The following LTA4H variants were observed in gnomAD, a reference collection of about 807,000 sequenced individuals.
LTA4H encodes the protein leukotriene A4 hydrolase.
In LTA4H, 59 loss-of-function variants were observed where a neutral mutation model predicts 89.8. The observed-to-expected ratio is 0.66, with a 90% CI of 0.53 to 0.82. The LOEUF (loss-of-function observed/expected upper bound fraction) is 0.82, where lower values mean the gene tolerates loss of function less well. LTA4H is among the 40% of genes least tolerant of loss of function. LTA4H has a pLI of 0.00. For synonymous variants in LTA4H, 227 were observed against 253.1 expected (o/e 0.90, Z 0.98); for missense variants, 617 against 727.0 (o/e 0.85, Z 1.74).
At chr12:96,025,817 A>G (rs1950507365) in intron 3 of LTA4H, among the ~76,000 whole-genome samples, 1 of 140,852 alleles carries the variant, frequency 7.1e-6, no homozygotes, top group East Asian at 2.0e-4. Flanking sequence ...ACACAGCAAG[A>G]CCCTGTCTCC....
chr12:96,026,989 A>G (rs554992968), intron 3 of LTA4H, among the ~76,000 whole-genome samples: 116 of 151,136 alleles, frequency 7.7e-4, no homozygotes, highest in African/African-American at 2.7e-3. Context: ...GTGTAAGAAA[A>G]ATATGGAAAA....
chr12:96,038,737 T>A (rs1049570424), upstream of LTA4H, among the ~76,000 whole-genome samples: 1 of 149,492 alleles, frequency 6.7e-6, no homozygotes, highest in Admixed American at 6.7e-5. Flanking sequence ...TAACATAGAA[T>A]TCATTTAGTC....
chr12:96,027,679 T>C, intron 2 of LTA4H, 115 bp from the exon 3 acceptor site: 1 of 559,684 alleles, frequency 1.8e-6, no homozygotes, highest in Non-Finnish European at 2.9e-6. Flanking sequence ...TCATCACTGA[T>C]TGGCAGTAAG....
chr12:96,028,847 T>A (rs903247137), intron 2 of LTA4H, among the ~76,000 whole-genome samples: 2 of 152,240 alleles, frequency 1.3e-5, no homozygotes, highest in Non-Finnish European at 2.9e-5. Flanking sequence ...CCTTGTTGTA[T>A]TATATACAAA....
At chr12:96,032,931 C>T (rs1950591396) in intron 1 of LTA4H, among the ~76,000 whole-genome samples, 1 of 152,032 alleles carries the variant, frequency 6.6e-6, no homozygotes, top group African/African-American at 2.4e-5. Flanking sequence ...CAGTGGGGAA[C>T]ACACACTGGG....
intron 15 of LTA4H, among the ~76,000 whole-genome samples, chr12:96,008,875 C>A (rs998001122): frequency 6.6e-6 from 1 of 151,784 alleles, no homozygotes; most frequent in Non-Finnish European, 1.5e-5. Flanking sequence ...GCCATGATCA[C>A]GCCACTGTAG....
chr12:96,009,151 G>A lies in LTA4H; in HGVS notation c.1380-3C>T. On this transcript the variant is annotated splice_region_variant and splice_polypyrimidine_tract_variant and intron_variant, in intron 14 of 18. Coordinates refer to ENST00000228740, the MANE Select transcript of LTA4H (RefSeq NM_000895.3). Reference sequence around the variant, plus strand: ...CATTTGTCAGAGTCATATCATAACTGCAAAGATAAAGATTACATTGTTTAA... The same window carrying A: ...CATTTGTCAGAGTCATATCATAACTACAAAGATAAAGATTACATTGTTTAA... The A allele has an allele frequency of 1.3e-6, 2 of 1,595,364 alleles. No homozygotes were observed. Among genetic ancestry groups the A allele is most frequent in the Non-Finnish European group, 1.7e-6 (2 of 1,164,628 alleles).
rs759516668 is a variant in LTA4H at position 96,017,584 on chromosome 12, CAA to C, written c.853-6_853-5del. On this transcript the variant is annotated splice_region_variant and splice_polypyrimidine_tract_variant and intron_variant, in intron 8 of 18. Transcript: ENST00000228740. ...TGGAGAGTGACTTGTCGCCTGCCTACAAAAAAAGAAAATTACCTTAGTATTTT... is the reference window on the plus strand; with the variant it reads ...TGGAGAGTGACTTGTCGCCTGCCTACAAAAAGAAAATTACCTTAGTATTTT... 6.2e-7 allele frequency: 1 copy of C among 1,607,066 alleles called. No homozygotes were observed. The highest frequency in any genetic ancestry group is 8.5e-7 in the Non-Finnish European group (1 of 1,175,202).
chr12:96,035,362 A>T lies in LTA4H; in HGVS notation c.158T>A (p.Leu53Gln). The T allele has an allele frequency of 6.2e-7, 1 of 1,606,264 alleles. No homozygotes were observed. The highest frequency in any genetic ancestry group is 8.5e-7 in the Non-Finnish European group (1 of 1,176,218). ...CACTGGGCAGGCGCCCCACTGTACC[A>T]GGCTGCGCAGATTGTCCTCCTGAGA... Reference protein sequence around the residue: ...VQSQEDNLRSLVLDTKDLTIE... With the variant: ...VQSQEDNLRSQVLDTKDLTIE... Residue 53 changes from leucine to glutamine, a missense_variant and splice_region_variant, in exon 1 of 19, where the codon CTG (leucine) becomes CAG (glutamine). This residue lies in a region of LTA4H where 155 missense variants were observed against 143.3 expected (regional missense o/e 1.08). Transcript: ENST00000228740.
At chr12:96,004,987 C>T (rs570414819) in intron 16 of LTA4H, among the ~76,000 whole-genome samples, 57 of 152,102 alleles carry the variant, frequency 3.7e-4, no homozygotes, top group Non-Finnish European at 7.6e-4. Context: ...TCCTTTGTTG[C>T]GTCAAAATCC....
intron 6 of LTA4H, 142 bp from the exon 7 acceptor site, chr12:96,019,382 A>C: frequency 1.5e-6 from 1 of 663,428 alleles, no homozygotes; most frequent in East Asian, 2.7e-5. Context: ...ATGAGGTTAC[A>C]TGGCGTGAGC....
chr12:96,018,240 G>A (rs925556249), intron 8 of LTA4H, among the ~76,000 whole-genome samples: 2 of 152,106 alleles, frequency 1.3e-5, no homozygotes, highest in African/African-American at 4.8e-5. Flanking sequence ...CAAATGGCCT[G>A]ATTATTTTCC....
chr12:96,018,874 ATCT>A lies in LTA4H; in HGVS notation c.738_740del (p.Glu246del), dbSNP rs1174766090. 6.3e-7 allele frequency: 1 copy of A among 1,595,510 alleles called. No individual in the cohort carries two copies. The highest frequency in any genetic ancestry group is 1.4e-5 in the African/African-American group (1 of 74,044). On this transcript the variant is annotated inframe_deletion, in exon 8 of 19. Coordinates refer to ENST00000228740, the MANE Select transcript of LTA4H (RefSeq NM_000895.3). Reference sequence around the variant, plus strand: ...GTCCCCATACATACGGTCCTCCCAGATCTTCTGCTATTTTAAGCATAGATTCAG... The same window carrying A: ...GTCCCCATACATACGGTCCTCCCAGATCTGCTATTTTAAGCATAGATTCAG...
At chr12:96,008,372 GA>G (rs1950239302) in intron 15 of LTA4H, among the ~76,000 whole-genome samples, 1 of 152,082 alleles carries the variant, frequency 6.6e-6, no homozygotes, top group South Asian at 2.1e-4. Flanking sequence ...AAGCTTCATA[GA>G]AAGTGAACAA....
chr12:96,003,183 A>C (rs1349017089), intron 17 of LTA4H, 119 bp from the exon 18 acceptor site: 2 of 617,030 alleles, frequency 3.2e-6, no homozygotes, highest in Non-Finnish European at 5.7e-6. Flanking sequence ...GTTATACTGT[A>C]CACCACTTTA....
At chr12:96,018,979 T>C in intron 7 of LTA4H, 76 bp from the exon 8 acceptor site, 2 of 1,345,454 alleles carry the variant, frequency 1.5e-6, no homozygotes, top group Non-Finnish European at 2.0e-6. Flanking sequence ...TATATTGCTT[T>C]CTATGAAGGT....
intron 6 of LTA4H, chr12:96,020,716 A>C (rs1020179710): frequency 4.7e-5 from 8 of 170,844 alleles, no homozygotes; most frequent in African/African-American, 1.9e-4. Flanking sequence ...TAGGCTTCCA[A>C]GTTCTTTAAT....
intron 18 of LTA4H, 89 bp from the exon 19 acceptor site, chr12:96,001,195 A>AGGG: frequency 1.3e-6 from 1 of 774,608 alleles, no homozygotes; most frequent in South Asian, 1.4e-5. Flanking sequence ...AAAGGAGGGA[A>AGGG]GGGGTTCAGA....
chr12:96,024,114 A>G (rs547506659), intron 4 of LTA4H, among the ~76,000 whole-genome samples: 2 of 151,764 alleles, frequency 1.3e-5, no homozygotes, highest in East Asian at 3.9e-4. Context: ...TGTTTTTTTT[A>G]GTACAGATGG....
Sources: gnomAD v4.1 joint callset for allele counts (sites outside exome capture counted in the v4.1 genomes callset) on GRCh38, gnomAD v4.1.1 for gene constraint, gnomAD v4.1.1 regional missense constraint, MANE v1.5 for transcripts, NCBI Gene and HGNC (gene_info 2026-07-23, HGNC 2026-07-21) for gene names.